The following SLC12A3 variants were observed in gnomAD, a reference collection of about 807,000 sequenced individuals.
The protein encoded by SLC12A3 is Na-Cl cotransporter.
In SLC12A3, 104 loss-of-function variants were observed where a neutral mutation model predicts 121.0. That is an observed-to-expected ratio of 0.86 (90% CI 0.73 to 1.01). The LOEUF (loss-of-function observed/expected upper bound fraction) is 1.01, where lower values mean the gene tolerates loss of function less well. SLC12A3 is among the 50% of genes least tolerant of loss of function. The pLI, the probability that SLC12A3 is intolerant of heterozygous loss-of-function variation, is 0.00. For synonymous variants in SLC12A3, 536 were observed against 533.4 expected, an observed-to-expected ratio of 1.00 and a Z score of -0.07; for missense variants, 1,328 against 1,356.3, an observed-to-expected ratio of 0.98 and a Z score of 0.33.
intron 23 of SLC12A3, among the ~76,000 whole-genome samples, chr16:56,900,402 T>G (rs768462999): frequency 4.6e-5 from 7 of 152,110 alleles, no homozygotes; most frequent in Admixed American, 6.5e-5. Context: ...TTGTCTCTGT[T>G]GGTGGAAAAG....
chr16:56,867,386 G>A (rs569173721), intron 2 of SLC12A3, among the ~76,000 whole-genome samples, 170 bp downstream of exon 2: 1 of 152,298 alleles, frequency 6.6e-6, no homozygotes, highest in East Asian at 1.9e-4. Context: ...AGCCTGCCGG[G>A]GAGTAATTAG....
At chr16:56,899,689 C>T (rs931952071) in intron 23 of SLC12A3, 73 bp downstream of exon 23, 12 of 1,088,144 alleles carry the variant, frequency 1.1e-5, no homozygotes, top group Non-Finnish European at 1.6e-5. Flanking sequence ...CGGCTGCCCC[C>T]TTTTTCCTTG....
intron 25 of SLC12A3, among the ~76,000 whole-genome samples, chr16:56,908,831 C>T (rs1168868511): frequency 6.6e-6 from 1 of 152,224 alleles, no homozygotes; most frequent in Non-Finnish European, 1.5e-5. Flanking sequence ...TGGGTCCGAG[C>T]GCAAGACAGT....
At chr16:56,865,971 C>A in intron 1 of SLC12A3, among the ~76,000 whole-genome samples, 1 of 109,852 alleles carries the variant, frequency 9.1e-6, no homozygotes, top group South Asian at 3.1e-4. Flanking sequence ...GTTCTTTTTT[C>A]TTTTCTTTTC....
intron 22 of SLC12A3, among the ~76,000 whole-genome samples, chr16:56,896,234 C>T (rs2055460316): frequency 6.6e-6 from 1 of 152,206 alleles, no homozygotes; most frequent in Admixed American, 6.5e-5. Context: ...TTTAATTCTC[C>T]TCCAATTCTG....
intron 23 of SLC12A3, among the ~76,000 whole-genome samples, chr16:56,901,739 G>A (rs565688707): frequency 2.6e-5 from 4 of 152,164 alleles, no homozygotes; most frequent in Admixed American, 1.3e-4. Context: ...AGCCCTGCCC[G>A]ACTGGGCCCT....
chr16:56,886,321 GCT>G (rs2055309774), intron 15 of SLC12A3, 41 bp from the exon 16 acceptor site: 1 of 1,474,150 alleles, frequency 6.8e-7, no homozygotes, highest in Non-Finnish European at 9.5e-7. Context: ...ACCCCCGTGG[GCT>G]CTCTCCTGAT....
At chr16:56,892,320 TG>T (rs1392797504) in intron 20 of SLC12A3, among the ~76,000 whole-genome samples, 187 bp downstream of exon 20, 1 of 151,982 alleles carries the variant, frequency 6.6e-6, no homozygotes, top group East Asian at 1.9e-4. Context: ...TGTCAAAGAT[TG>T]CCAGCAGCCA....
chr16:56,894,148 T>C (rs12449249), intron 21 of SLC12A3, among the ~76,000 whole-genome samples: 34,349 of 151,556 alleles, frequency 0.23, 4,209 homozygotes, highest in African/African-American at 0.33. Flanking sequence ...GGATTATAGG[T>C]GTGCACCATC....
rs371546750 is a variant in SLC12A3 at position 56,884,859 on chromosome 16, C to T, written c.1826-406C>T. Among the ~76,000 whole-genome samples, 65 of 152,180 alleles carry T rather than the reference C, an allele frequency of 4.3e-4. 1 individual carries two copies. The East Asian group carries it at 0.011, about 25-fold the overall frequency. On this transcript the variant is annotated intron_variant, in intron 14 of 25. Coordinates refer to ENST00000563236, the MANE Select transcript of SLC12A3 (RefSeq NM_001126108.2). ...TCGGCTCACTGCAACCTCCACCTCC[C>T]GGGTTCAAGCAATTCTCCTGCCTCA...
intron 25 of SLC12A3, among the ~76,000 whole-genome samples, chr16:56,909,159 CT>C (rs1391877056): frequency 6.6e-6 from 1 of 152,036 alleles, no homozygotes; most frequent in Non-Finnish European, 1.5e-5. Flanking sequence ...ATTAAAATGA[CT>C]CATTAAAATG....
intron 25 of SLC12A3, among the ~76,000 whole-genome samples, chr16:56,909,894 G>A (rs1394664606): frequency 6.6e-6 from 1 of 152,162 alleles, no homozygotes; most frequent in South Asian, 2.1e-4. Flanking sequence ...CCGGTTTGAG[G>A]CAGCACTTGA....
intron 20 of SLC12A3, 63 bp from the exon 21 acceptor site, chr16:56,892,889 TG>T: frequency 7.2e-7 from 1 of 1,390,838 alleles, no homozygotes; most frequent in Non-Finnish European, 1.0e-6. Context: ...GGCGGGGCCC[TG>T]GGCCAGGCCT....
intron 22 of SLC12A3, 68 bp downstream of exon 22, chr16:56,894,710 G>A (rs1375033052): frequency 1.7e-6 from 2 of 1,210,382 alleles, no homozygotes; most frequent in Non-Finnish European, 2.4e-6. Context: ...ACCCAAGGCT[G>A]TCCCCTACCC....
rs980876346 is a variant in SLC12A3, at chr16:56,913,877, C to T, written c.*472C>T. ...TACAGGCTCTCTAAGGAATGCAGGT[C>T]TCTCTCTGAGCCTCCACAGCCAGGC... On this transcript the variant is annotated 3_prime_UTR_variant, in exon 26 of 26. Coordinates refer to ENST00000563236, the MANE Select transcript of SLC12A3 (RefSeq NM_001126108.2). The T allele has an allele frequency of 1.5e-5, 3 of 199,910 alleles. No individual in the cohort carries two copies. Among genetic ancestry groups the T allele is most frequent in the African/African-American group, 7.0e-5 (3 of 42,920 alleles). 12.4% of individuals were successfully genotyped at this position (199,910 alleles called of 1,614,324 possible).
rs1442879284 is a variant in SLC12A3 at position 56,879,647 on chromosome 16, C to G, written c.1441C>G (p.Gln481Glu). 6.2e-7 allele frequency: 1 copy of G among 1,610,698 alleles called. No individual in the cohort carries two copies. The highest frequency in any genetic ancestry group is 8.5e-7 in the Non-Finnish European group (1 of 1,178,074). The change falls in exon 11 of 26, where the codon CAG becomes GAG. Residue 481 changes from glutamine to glutamate, a missense_variant and splice_region_variant. By Grantham distance (29) the Gln-to-Glu change is conservative. Transcript: ENST00000563236. Reference protein sequence around the residue: ...ACLVSAAKVFQCLCEDQLYPL... With the variant: ...ACLVSAAKVFECLCEDQLYPL... The stretch of plus-strand genomic sequence containing the variant: ...CCTTGTCTCTGCTGCCAAAGTCTTC[C>G]AGGTGAGGCCGCAGAAAGGGGTCGA...
intron 18 of SLC12A3, among the ~76,000 whole-genome samples, chr16:56,888,853 C>T (rs867742012): frequency 1.4e-4 from 21 of 152,284 alleles, no homozygotes; most frequent in Middle Eastern, 3.4e-3. Flanking sequence ...CCACCGTGCC[C>T]GGCCACCAGA....
At chr16:56,902,600 C>A (rs2144767491) in intron 24 of SLC12A3, 92 bp downstream of exon 24, 2 of 1,484,600 alleles carry the variant, frequency 1.3e-6, no homozygotes, top group Non-Finnish European at 1.8e-6. Flanking sequence ...CCCCTCCCCT[C>A]GATCCTCCAC....
intron 7 of SLC12A3, 96 bp from the exon 8 acceptor site, chr16:56,872,560 C>T: frequency 6.3e-7 from 1 of 1,585,722 alleles, no homozygotes; most frequent in South Asian, 1.1e-5. Context: ...ATGGGATTAC[C>T]CAATCCCATG....
Sources: allele counts gnomAD v4.1 joint callset (sites outside exome capture counted in the v4.1 genomes callset), GRCh38; gene constraint gnomAD v4.1.1; transcripts MANE v1.5; gene names NCBI Gene and HGNC (gene_info 2026-07-23, HGNC 2026-07-21).